Variants in CALN1 observed in about 807,000 individuals in gnomAD.
The protein encoded by CALN1 is calneuron 1.
CALN1 carries 17 observed loss-of-function variants against 30.6 expected under a neutral mutation model. The observed-to-expected ratio is 0.56, with a 90% CI of 0.38 to 0.83. The LOEUF is 0.83. CALN1 is among the 40% of genes least tolerant of loss of function. The pLI, the probability that CALN1 is intolerant of heterozygous loss-of-function variation, is 0.00. For synonymous variants in CALN1, 156 were observed against 131.4 expected, an observed-to-expected ratio of 1.19 and a Z score of -1.28; for missense variants, 291 against 354.9, an observed-to-expected ratio of 0.82 and a Z score of 1.45.
intron 5 of CALN1, among the ~76,000 whole-genome samples, chr7:71,980,656 G>A (rs1459665660): frequency 1.3e-5 from 2 of 152,074 alleles, no homozygotes; most frequent in Admixed American, 6.6e-5. Flanking sequence ...CCACTTCCAC[G>A]CCCTCTGCAA....
At chr7:72,329,854 T>C (rs1285954208) in intron 2 of CALN1, among the ~76,000 whole-genome samples, 3 of 151,976 alleles carry the variant, frequency 2.0e-5, no homozygotes, top group African/African-American at 7.3e-5. Context: ...TTCAGGAGAC[T>C]GAGGCAGGAG....
chr7:72,055,008 G>A (rs899413522), intron 4 of CALN1, among the ~76,000 whole-genome samples: 2 of 152,150 alleles, frequency 1.3e-5, no homozygotes, highest in African/African-American at 4.8e-5. Context: ...GATGAGGACA[G>A]GAATTCCAAA....
At chr7:71,983,636 A>G (rs764173583) in intron 5 of CALN1, among the ~76,000 whole-genome samples, 2 of 152,066 alleles carry the variant, frequency 1.3e-5, no homozygotes, top group Non-Finnish European at 2.9e-5. Context: ...GTTCCAAGCA[A>G]TTCTCCTGCC....
At chr7:71,922,305 G>A (rs1458895279) in intron 5 of CALN1, among the ~76,000 whole-genome samples, 3 of 151,926 alleles carry the variant, frequency 2.0e-5, no homozygotes, top group Non-Finnish European at 4.4e-5. Flanking sequence ...TATACATTGA[G>A]CAAGAATTAA....
chr7:71,845,133 C>T (rs1244508342), intron 5 of CALN1, among the ~76,000 whole-genome samples: 2 of 152,162 alleles, frequency 1.3e-5, no homozygotes, highest in South Asian at 2.1e-4. Flanking sequence ...ATCCTCCTGC[C>T]TCGGCCTCCC....
chr7:71,864,000 T>C (rs572143440), intron 5 of CALN1, among the ~76,000 whole-genome samples: 28 of 152,356 alleles, frequency 1.8e-4, no homozygotes, highest in African/African-American at 6.5e-4. Flanking sequence ...GTCAAAGTCC[T>C]ATTCCCCTAT....
At chr7:72,345,099 AATT>A (rs1489523990) in intron 2 of CALN1, among the ~76,000 whole-genome samples, 1 of 148,942 alleles carries the variant, frequency 6.7e-6, no homozygotes, top group Non-Finnish European at 1.5e-5. Context: ...CATGTTATAT[AATT>A]ATGTTATACG....
At chr7:72,189,125 T>G (rs1457163990) in intron 3 of CALN1, among the ~76,000 whole-genome samples, 1 of 152,152 alleles carries the variant, frequency 6.6e-6, no homozygotes, top group African/African-American at 2.4e-5. Flanking sequence ...TTATCCAGGT[T>G]AAAAACATAC....
intron 5 of CALN1, among the ~76,000 whole-genome samples, chr7:71,909,380 T>C (rs1158077167): frequency 6.6e-6 from 1 of 152,100 alleles, no homozygotes; most frequent in Admixed American, 6.6e-5. Flanking sequence ...TATGCAAGGA[T>C]TCACATATGT....
chr7:71,901,911 G>A (rs1404577767), intron 5 of CALN1, among the ~76,000 whole-genome samples: 3 of 151,974 alleles, frequency 2.0e-5, no homozygotes, highest in East Asian at 1.9e-4. Context: ...ACCAACAAAC[G>A]GGACAATGGG....
rs566315918 is a variant in CALN1, at chr7:72,344,783, C to T, written c.119+58468G>A. ...TGCTTTTTCGAAAAAATTTTCAAAA[C>T]GTATATTAACCAGCCAAAAAAATGA... On this transcript the variant is annotated intron_variant, in intron 2 of 6. Transcript: ENST00000395275. Among the ~76,000 whole-genome samples, 275 of 146,138 alleles carry T rather than the reference C, an allele frequency of 1.9e-3. 2 individuals are homozygous for T. Among genetic ancestry groups the T allele is most frequent in the African/African-American group, 6.2e-3 (251 of 40,310 alleles).
chr7:72,482,516 G>A, the CALN1 span, among the ~76,000 whole-genome samples: 1 of 151,810 alleles, frequency 6.6e-6, no homozygotes, highest in African/African-American at 2.4e-5. Flanking sequence ...TGTTGGCTTT[G>A]TTTTGCTATT....
chr7:72,005,803 G>C (rs1409860631), intron 5 of CALN1, among the ~76,000 whole-genome samples: 1 of 152,074 alleles, frequency 6.6e-6, no homozygotes, highest in Non-Finnish European at 1.5e-5. Flanking sequence ...AGTTAGGGGT[G>C]GGGGTGGGAA....
chr7:72,178,084 TTC>T (rs1789492764), intron 3 of CALN1, among the ~76,000 whole-genome samples: 1 of 152,170 alleles, frequency 6.6e-6, no homozygotes, highest in African/African-American at 2.4e-5. Context: ...TGTGTTTGCA[TTC>T]AACTCAAATC....
In CALN1 at chr7:72,157,736, A is replaced by AGTTTGTTT. The variant is rs573723675; in HGVS notation, c.245-51450_245-51443dup. Among the ~76,000 whole-genome samples the AGTTTGTTT allele has an allele frequency of 9.2e-5, 14 of 151,920 alleles. No homozygotes were observed. The South Asian group carries it at 2.5e-3, about 27-fold the overall frequency. On this transcript the variant is annotated intron_variant, in intron 3 of 6. Coordinates refer to ENST00000395275, the MANE Select transcript of CALN1 (RefSeq NM_031468.4). ...AAAACCATTTGAAAGTTAGTCAGTT[A>AGTTTGTTT]GTTTGTTTGTTTGTTTGTTTGTTTT...
intron 5 of CALN1, among the ~76,000 whole-genome samples, chr7:71,858,168 A>G (rs1279105981): frequency 6.6e-6 from 1 of 152,100 alleles, no homozygotes; most frequent in Non-Finnish European, 1.5e-5. Flanking sequence ...CATGATAGTG[A>G]GTTCTCATTA....
At chr7:72,226,534 T>C (rs571231050) in intron 3 of CALN1, among the ~76,000 whole-genome samples, 1 of 152,180 alleles carries the variant, frequency 6.6e-6, no homozygotes, top group African/African-American at 2.4e-5. Flanking sequence ...GGACTTCCTC[T>C]AAGACATATC....
intron 5 of CALN1, among the ~76,000 whole-genome samples, chr7:71,992,908 T>C (rs1162638233): frequency 6.6e-6 from 1 of 152,220 alleles, no homozygotes; most frequent in East Asian, 1.9e-4. Context: ...CTCTTGCTGC[T>C]AAGAGTAGGC....
At chr7:72,359,961 A>ACT (rs548956669) in intron 2 of CALN1, among the ~76,000 whole-genome samples, 1,759 of 134,206 alleles carry the variant, frequency 0.013, 19 homozygotes, top group Non-Finnish European at 0.018. Context: ...TGGGTGACAG[A>ACT]GTGAGACTCC....
Sources: gnomAD v4.1 joint callset for allele counts (sites outside exome capture counted in the v4.1 genomes callset) on GRCh38, gnomAD v4.1.1 for gene constraint, MANE v1.5 for transcripts, NCBI Gene and HGNC (gene_info 2026-07-23, HGNC 2026-07-21) for gene names.